FAM20A: variants seen among roughly 807,000 people sequenced by gnomAD.
The protein encoded by FAM20A is pseudokinase FAM20A.
Under a neutral mutation model 52.0 loss-of-function variants are expected in FAM20A, and 42 were observed. That is an observed-to-expected ratio of 0.81 (90% CI 0.63 to 1.04). The LOEUF (loss-of-function observed/expected upper bound fraction) is 1.04. FAM20A is among the 50% of genes least tolerant of loss of function. FAM20A has a pLI of 0.00. For synonymous variants in FAM20A, 304 were observed against 298.9 expected (o/e 1.02, Z -0.18); for missense variants, 742 against 712.7 (o/e 1.04, Z -0.47).
intron 1 of FAM20A, among the ~76,000 whole-genome samples, chr17:68,559,044 C>T (rs576959736): frequency 2.6e-5 from 4 of 152,324 alleles, no homozygotes; most frequent in South Asian, 4.1e-4. Context: ...AGGCGTGAGC[C>T]ACCACACCTC....
In FAM20A at chr17:68,537,259, G is replaced by C. The variant is rs1359622726; in HGVS notation, c.*218C>G. On this transcript the variant is annotated 3_prime_UTR_variant, in exon 11 of 11. Coordinates refer to ENST00000592554, the MANE Select transcript of FAM20A (RefSeq NM_017565.4). This position sits in a 1 kb window ranked among gnomAD's most constrained non-coding sequence, Gnocchi z 4.2. Reference sequence around the variant, plus strand: ...GGCCTTGATGAAGCCAGTGCTTTTTGGGAAAAACGGAGCAAGGCAACGCAC... The same window carrying C: ...GGCCTTGATGAAGCCAGTGCTTTTTCGGAAAAACGGAGCAAGGCAACGCAC... 1.4e-6 allele frequency: 1 copy of C among 705,232 alleles called. No individual in the cohort carries two copies. Among genetic ancestry groups the C allele is most frequent in the Non-Finnish European group, 2.5e-6 (1 of 396,192 alleles). 43.7% of individuals were successfully genotyped at this position (705,232 alleles called of 1,614,324 possible). A position where few individuals can be genotyped will look rare whatever the true frequency, so the allele number is the denominator to read the frequency against.
At chr17:68,556,600 G>C (rs117757726) in intron 1 of FAM20A, among the ~76,000 whole-genome samples, 2 of 152,092 alleles carry the variant, frequency 1.3e-5, no homozygotes, top group Non-Finnish European at 2.9e-5. Flanking sequence ...TTGGCTTGAA[G>C]GGGACAGGGA....
rs905452791 is a variant in FAM20A, at chr17:68,551,042, T to G, written c.719+831A>C. 7.3e-6 allele frequency: 9 copies of G among 1,226,132 alleles called. No homozygotes were observed. The South Asian group carries it at 3.3e-4, about 45-fold the overall frequency. The allele number at this position is 1,226,132 out of a possible 1,614,324, so 76.0% of individuals were successfully genotyped here. ...GCACATTCTGGAGGAAAGCATGACTTGGGTAACGTGGCCCCTCTTGGGGCG... is the reference window on the plus strand; with the variant it reads ...GCACATTCTGGAGGAAAGCATGACTGGGGTAACGTGGCCCCTCTTGGGGCG... On this transcript the variant is annotated intron_variant, in intron 4 of 10. Coordinates refer to ENST00000592554, the MANE Select transcript of FAM20A (RefSeq NM_017565.4).
chr17:68,569,746 CA>C (rs2087485715), intron 1 of FAM20A, among the ~76,000 whole-genome samples: 1 of 152,182 alleles, frequency 6.6e-6, no homozygotes, highest in South Asian at 2.1e-4. Flanking sequence ...ATCCCAGCTA[CA>C]AAGGCAATGA....
At chr17:68,551,077 TC>T in intron 4 of FAM20A, 2 of 1,234,340 alleles carry the variant, frequency 1.6e-6, no homozygotes, top group Non-Finnish European at 1.0e-6. Flanking sequence ...GATTTTCTTT[TC>T]TGCAGGTCAC....
intron 3 of FAM20A, among the ~76,000 whole-genome samples, chr17:68,554,067 C>CACAT (rs200418666): frequency 0.017 from 1,585 of 92,088 alleles, 46 homozygotes; most frequent in Admixed American, 0.029. Context: ...CATATACACA[C>CACAT]ATATACACAC....
At chr17:68,582,769 A>C (rs1197730746) in intron 1 of FAM20A, among the ~76,000 whole-genome samples, 2 of 140,716 alleles carry the variant, frequency 1.4e-5, no homozygotes, top group African/African-American at 5.2e-5. Flanking sequence ...TATGTGGAAG[A>C]GCCAGGATTA....
chr17:68,561,404 T>G (rs2087207951), intron 1 of FAM20A, among the ~76,000 whole-genome samples: 1 of 152,232 alleles, frequency 6.6e-6, no homozygotes, highest in African/African-American at 2.4e-5. Context: ...ACAAATTCAT[T>G]TTTTAGTTCA....
Position 68,536,101 on chromosome 17 carries a change from C to A in FAM20A, c.*1376G>T, listed in dbSNP as rs1204194494. 2.2e-6 allele frequency: 1 copy of A among 454,096 alleles called. No homozygotes were observed. Among genetic ancestry groups the A allele is most frequent in the South Asian group, 1.6e-5 (1 of 64,482 alleles). 28.1% of individuals were successfully genotyped at this position (454,096 alleles called of 1,614,324 possible). On this transcript the variant is annotated 3_prime_UTR_variant, in exon 11 of 11. Coordinates refer to ENST00000592554, the MANE Select transcript of FAM20A (RefSeq NM_017565.4). ...AGAGAGACACAAAGTCCAGGGGCAG[C>A]ATACCAGTCATGTGGGGGTACCACG... is the stretch of plus-strand genomic sequence containing the variant.
chr17:68,578,983 C>G (rs899918586), intron 1 of FAM20A, among the ~76,000 whole-genome samples: 1 of 149,796 alleles, frequency 6.7e-6, no homozygotes, highest in African/African-American at 2.5e-5. Flanking sequence ...CCACTGCACT[C>G]CAGCCTGGTG....
intron 4 of FAM20A, 60 bp downstream of exon 4, chr17:68,551,813 G>T: frequency 7.9e-7 from 1 of 1,269,880 alleles, no homozygotes; most frequent in African/African-American, 1.5e-5. Flanking sequence ...TTAGTTTTTG[G>T]TCCAAATCTT....
At chr17:68,578,790 G>A (rs1217742799) in intron 1 of FAM20A, among the ~76,000 whole-genome samples, 1 of 135,058 alleles carries the variant, frequency 7.4e-6, no homozygotes, top group African/African-American at 2.8e-5. Flanking sequence ...TCAAGAGATC[G>A]AGACCATCCT....
intron 4 of FAM20A, 114 bp from the exon 5 acceptor site, chr17:68,543,835 T>A: frequency 1.1e-6 from 1 of 907,502 alleles, no homozygotes; most frequent in Non-Finnish European, 1.8e-6. Context: ...GCTTTTCATG[T>A]ACACACAGGC....
At chr17:68,564,809 G>A (rs554325165) in intron 1 of FAM20A, among the ~76,000 whole-genome samples, 3 of 152,232 alleles carry the variant, frequency 2.0e-5, no homozygotes, top group South Asian at 2.1e-4. Flanking sequence ...AGCTGAGGGC[G>A]TGAGGAGGGT....
intron 3 of FAM20A, among the ~76,000 whole-genome samples, chr17:68,554,022 A>G (rs1208943966): frequency 1.1e-5 from 1 of 91,274 alleles, no homozygotes; most frequent in Non-Finnish European, 1.9e-5. Context: ...ATACATATAT[A>G]CATATATACA....
chr17:68,600,200 C>T lies in FAM20A; in HGVS notation c.404+63G>A. The T allele has an allele frequency of 6.5e-7, 1 of 1,530,196 alleles. No homozygotes were observed. The highest frequency in any genetic ancestry group is 8.8e-7 in the Non-Finnish European group (1 of 1,137,848). 94.8% of individuals were successfully genotyped at this position (1,530,196 alleles called of 1,614,324 possible). A position where few individuals can be genotyped will look rare whatever the true frequency, so the allele number is the denominator to read the frequency against. ...GCCGGGGGCGTCAGGAAACTCGAGA[C>T]TGGGGCGCGGGGAGGCCCCGGCCAG... On this transcript the variant is annotated intron_variant, in intron 1 of 10. Transcript: ENST00000592554. The surrounding 1 kb of genome is among the most constrained non-coding windows in gnomAD (Gnocchi z 6.2).
chr17:68,555,916 TGG>T (rs1157440696), intron 1 of FAM20A, among the ~76,000 whole-genome samples, 173 bp from the exon 2 acceptor site: 1 of 152,186 alleles, frequency 6.6e-6, no homozygotes, highest in Non-Finnish European at 1.5e-5. Flanking sequence ...AAAACACCTG[TGG>T]GGTCCTTTCT....
At chr17:68,591,244 G>T (rs972086178) in intron 1 of FAM20A, among the ~76,000 whole-genome samples, 23 of 152,092 alleles carry the variant, frequency 1.5e-4, no homozygotes, top group African/African-American at 5.3e-4. Context: ...GTAGCTGGGC[G>T]CCCGCCGCCA....
intron 1 of FAM20A, among the ~76,000 whole-genome samples, chr17:68,584,279 T>G (rs755042460): frequency 1.4e-4 from 22 of 151,864 alleles, no homozygotes; most frequent in Non-Finnish European, 3.1e-4. Flanking sequence ...ATGGTGCCAC[T>G]GTATTCCAGC....
Sources: allele counts gnomAD v4.1 joint callset (sites outside exome capture counted in the v4.1 genomes callset), GRCh38; gene constraint gnomAD v4.1.1; non-coding constraint Gnocchi (gnomAD v3.1); transcripts MANE v1.5; gene names NCBI Gene and HGNC (gene_info 2026-07-23, HGNC 2026-07-21).